PPP2R3A: variants seen among roughly 807,000 people sequenced by gnomAD.
The protein encoded by PPP2R3A is serine/threonine-protein phosphatase 2A regulatory subunit B'' subunit alpha.
PPP2R3A carries 80 observed loss-of-function variants against 106.9 expected under a neutral mutation model. The observed-to-expected ratio is 0.75, with a 90% confidence interval of 0.62 to 0.90. PPP2R3A has a LOEUF of 0.90. PPP2R3A is among the 40% of genes least tolerant of loss of function. The pLI is 0.00. For synonymous variants in PPP2R3A, 483 were observed against 468.3 expected (o/e 1.03, Z -0.41); for missense variants, 1,386 against 1,350.4 (o/e 1.03, Z -0.41).
At chr3:136,034,004 T>C (rs954299736) in intron 3 of PPP2R3A, among the ~76,000 whole-genome samples, 1 of 151,690 alleles carries the variant, frequency 6.6e-6, no homozygotes, top group Non-Finnish European at 1.5e-5. Flanking sequence ...GATTGTCTGT[T>C]TGTGCTCTTT....
intron 2 of PPP2R3A, among the ~76,000 whole-genome samples, chr3:136,013,949 C>T (rs931510277): frequency 5.9e-5 from 9 of 152,224 alleles, no homozygotes; most frequent in Admixed American, 1.3e-4. Flanking sequence ...CCGATGTTGT[C>T]TTCTAGAGTT....
chr3:136,023,155 T>C, intron 2 of PPP2R3A: 1 of 1,613,576 alleles, frequency 6.2e-7, no homozygotes, highest in Non-Finnish European at 8.5e-7. Flanking sequence ...GATTTTGTTC[T>C]CCCTTCACGG....
chr3:136,103,234 C>G (rs1163700704), intron 11 of PPP2R3A, 24 bp from the exon 12 acceptor site: 1 of 1,491,676 alleles, frequency 6.7e-7, no homozygotes, highest in Non-Finnish European at 9.2e-7. Flanking sequence ...ATGAAATTTA[C>G]CAGATTTGTT....
intron 1 of PPP2R3A, among the ~76,000 whole-genome samples, chr3:135,968,098 T>C (rs1937143132): frequency 6.6e-6 from 1 of 152,208 alleles, no homozygotes; most frequent in Non-Finnish European, 1.5e-5. Context: ...CTTAGGTGTT[T>C]ACTATACTAA....
At chr3:135,998,309 C>T (rs1933486842) in intron 1 of PPP2R3A, among the ~76,000 whole-genome samples, 1 of 152,202 alleles carries the variant, frequency 6.6e-6, no homozygotes, top group South Asian at 2.1e-4. Flanking sequence ...TTCCTGACTC[C>T]TCAGTCTGAT....
Position 136,082,295 on chromosome 3 carries a change from A to G in PPP2R3A, c.2662A>G (p.Ile888Val), listed in dbSNP as rs754234626. ...TLALLEEEED[I>V]NQITDYFSYE... Reference sequence around the variant, plus strand: ...AGCACTTTTGGAAGAAGAGGAAGATATAAACCAAATTACAGATTACTTCTC... The same window carrying G: ...AGCACTTTTGGAAGAAGAGGAAGATGTAAACCAAATTACAGATTACTTCTC... The change falls in exon 8 of 14, where the codon ATA becomes GTA. Residue 888 changes from isoleucine to valine, a missense_variant. Ile to Val is a conservative substitution (Grantham distance 29). Coordinates refer to ENST00000264977, the MANE Select transcript of PPP2R3A (RefSeq NM_002718.5). 3.8e-6 allele frequency: 6 copies of G among 1,595,116 alleles called. No individual in the cohort carries two copies. In the Admixed American group the frequency reaches 1.0e-4, roughly 27 times the overall value.
intron 3 of PPP2R3A, among the ~76,000 whole-genome samples, chr3:136,030,647 G>C (rs1934837961): frequency 6.6e-6 from 1 of 151,790 alleles, no homozygotes; most frequent in African/African-American, 2.4e-5. Flanking sequence ...GAGAACATAT[G>C]ATGTTTGGTT....
intron 5 of PPP2R3A, chr3:136,055,334 T>C (rs1559892590): frequency 1.1e-6 from 1 of 938,706 alleles, no homozygotes; most frequent in East Asian, 2.4e-5. Flanking sequence ...GCTCAATTTT[T>C]TGATCAACTC....
At chr3:136,111,429 A>G (rs916338893) in intron 13 of PPP2R3A, among the ~76,000 whole-genome samples, 1 of 152,074 alleles carries the variant, frequency 6.6e-6, no homozygotes, top group African/African-American at 2.4e-5. Context: ...AAATTGAGTA[A>G]AAACTCAAAC....
At chr3:136,000,182 A>G (rs996030729) in intron 1 of PPP2R3A, among the ~76,000 whole-genome samples, 2 of 152,148 alleles carry the variant, frequency 1.3e-5, no homozygotes, top group African/African-American at 4.8e-5. Flanking sequence ...CTTGCCCTGC[A>G]TCATTTTTCT....
Position 136,098,912 on chromosome 3 carries a change from C to T in PPP2R3A, c.2928-3095C>T, listed in dbSNP as rs1285004085. ...CTTCAGGTCATGTCCTCTACCCTAG[C>T]ATAAAACTGGTGCTTTATTCCCTGG... On this transcript the variant is annotated intron_variant, in intron 10 of 13. Transcript: ENST00000264977. 3.9e-5 allele frequency among the ~76,000 whole-genome samples: 6 copies of T among 152,282 alleles called. No individual in the cohort carries two copies. In the South Asian group the frequency reaches 1.2e-3, roughly 32 times the overall value.
At chr3:136,049,826 A>AT (rs965650517) in intron 5 of PPP2R3A, among the ~76,000 whole-genome samples, 2 of 152,234 alleles carry the variant, frequency 1.3e-5, no homozygotes, top group African/African-American at 4.8e-5. Context: ...CTGACCCATT[A>AT]TTTAAGTACA....
At chr3:136,078,234 C>T (rs1329812542) in intron 6 of PPP2R3A, 133 bp from the exon 7 acceptor site, 4 of 653,224 alleles carry the variant, frequency 6.1e-6, no homozygotes, top group East Asian at 2.9e-5. Context: ...CTGATTTTTA[C>T]TAGGAATTAC....
At chr3:135,976,370 A>G (rs1937421444) in intron 1 of PPP2R3A, among the ~76,000 whole-genome samples, 3 of 152,224 alleles carry the variant, frequency 2.0e-5, no homozygotes, top group Admixed American at 2.0e-4. Flanking sequence ...CAGGACCGTC[A>G]TGGTAGGTCA....
At chr3:136,000,291 A>G (rs1350266963) in intron 1 of PPP2R3A, among the ~76,000 whole-genome samples, 2 of 152,190 alleles carry the variant, frequency 1.3e-5, no homozygotes, top group Non-Finnish European at 2.9e-5. Flanking sequence ...AGTGTATACA[A>G]AGAACCTGGT....
At chr3:136,073,484 C>A (rs1936504695) in intron 6 of PPP2R3A, among the ~76,000 whole-genome samples, 1 of 152,172 alleles carries the variant, frequency 6.6e-6, no homozygotes, top group African/African-American at 2.4e-5. Context: ...TTGTTATTAA[C>A]ATTGTGCTGC....
chr3:136,126,810 A>G (rs1271790835), intron 13 of PPP2R3A, among the ~76,000 whole-genome samples: 1 of 152,188 alleles, frequency 6.6e-6, no homozygotes, highest in Non-Finnish European at 1.5e-5. Context: ...TCAGGCAGCA[A>G]TATTTGCCAA....
chr3:135,967,226 G>A (rs1352472160), intron 1 of PPP2R3A, among the ~76,000 whole-genome samples: 1 of 152,092 alleles, frequency 6.6e-6, no homozygotes, highest in East Asian at 1.9e-4. Flanking sequence ...CAGAAATCTA[G>A]GAGATTTCTA....
At position 136,027,397 on chromosome 3, in the gene PPP2R3A, GA is replaced by G. The variant is rs541487208; in HGVS notation, c.2262+303del. On this transcript the variant is annotated intron_variant, in intron 3 of 13. Coordinates refer to ENST00000264977, the MANE Select transcript of PPP2R3A (RefSeq NM_002718.5). ...CCTATTGTCAAATACTTGTTTGTTA[GA>G]AAATTTTTCCTTGTGCTGAATAGGA... Among the ~76,000 whole-genome samples the G allele has an allele frequency of 2.1e-3, 322 of 152,164 alleles. 4 individuals are homozygous for G. The highest frequency in any genetic ancestry group is 7.6e-3 in the African/African-American group (314 of 41,512).
Sources: gnomAD v4.1 joint callset for allele counts (sites outside exome capture counted in the v4.1 genomes callset) on GRCh38, gnomAD v4.1.1 for gene constraint, MANE v1.5 for transcripts, NCBI Gene and HGNC (gene_info 2026-07-23, HGNC 2026-07-21) for gene names.